SLC8A1: variants seen among roughly 807,000 people sequenced by gnomAD.
SLC8A1 encodes the protein solute carrier family 8 member A1.
Under a neutral mutation model 68.3 loss-of-function variants are expected in SLC8A1, and 18 were observed. The observed-to-expected ratio is 0.26, with a 90% CI of 0.18 to 0.39. SLC8A1 has a LOEUF of 0.39. Ranked by LOEUF, SLC8A1 falls within the 10% of genes least tolerant of loss-of-function variation. The pLI is 1.00. For synonymous variants in SLC8A1, 475 were observed against 415.5 expected (o/e 1.14, Z -1.74); for missense variants, 985 against 1,156.7 (o/e 0.85, Z 2.15).
intron 5 of SLC8A1, among the ~76,000 whole-genome samples, chr2:40,161,289 A>G (rs1488336952): frequency 6.6e-6 from 1 of 152,174 alleles, no homozygotes; most frequent in Non-Finnish European, 1.5e-5. Context: ...GAACCAAAAA[A>G]TATTGCTATT....
Position 40,245,683 on chromosome 2 carries a change from C to CT in SLC8A1, c.1809-67829dup, listed in dbSNP as rs60082736. Reference sequence around the variant, plus strand: ...GTTTTATATTACTTAAAAAGTCAAACTTTTTTTTTTTTAATCATTCCTTCT... The same window carrying CT: ...GTTTTATATTACTTAAAAAGTCAAACTTTTTTTTTTTTTAATCATTCCTTCT... On this transcript the variant is annotated intron_variant, in intron 2 of 7. Transcript: ENST00000406785. Among the ~76,000 whole-genome samples the CT allele has an allele frequency of 1.2e-3, 178 of 146,684 alleles. 1 individual carries two copies. The highest frequency in any genetic ancestry group is 3.3e-3 in the African/African-American group (132 of 40,188).
At chr2:40,255,242 C>G (rs1003290336) in intron 2 of SLC8A1, 2 of 152,338 alleles carry the variant, frequency 1.3e-5, no homozygotes, top group East Asian at 3.9e-4. Flanking sequence ...CCCCCACCCC[C>G]CATGGTGGAA....
At chr2:40,138,031 A>T (rs957619203) in intron 7 of SLC8A1, among the ~76,000 whole-genome samples, 14 of 152,212 alleles carry the variant, frequency 9.2e-5, no homozygotes, top group African/African-American at 3.4e-4. Context: ...CACCAGAAAT[A>T]CAATTTTATT....
rs115533603 is a variant in SLC8A1, at chr2:40,222,581, C to A, written c.1809-44726G>T. Among the ~76,000 whole-genome samples, 786 of 152,200 alleles carry A rather than the reference C, an allele frequency of 5.2e-3. 5 individuals carry two copies. The highest frequency in any genetic ancestry group is 8.6e-3 in the Non-Finnish European group (586 of 67,996). Reference sequence around the variant, plus strand: ...CAGCAAAAGAAACTATCAGAGTGAACAGGCAACCTAGAGAATGGGAAAAAT... The same window carrying A: ...CAGCAAAAGAAACTATCAGAGTGAAAAGGCAACCTAGAGAATGGGAAAAAT... On this transcript the variant is annotated intron_variant, in intron 2 of 7. Transcript: ENST00000406785.
chr2:40,244,050 T>TAA (rs5830615), intron 2 of SLC8A1, among the ~76,000 whole-genome samples: 66 of 151,636 alleles, frequency 4.4e-4, no homozygotes, highest in Admixed American at 1.2e-3. Flanking sequence ...CTTTTGTTAT[T>TAA]AAAAAAAATG....
intron 6 of SLC8A1, among the ~76,000 whole-genome samples, chr2:40,148,062 G>C (rs1340706191): frequency 1.3e-5 from 2 of 152,148 alleles, no homozygotes; most frequent in East Asian, 3.8e-4. Context: ...GGTTTGTACA[G>C]CAAAAATTCA....
At chr2:40,141,533 A>G (rs2041569150) in intron 6 of SLC8A1, among the ~76,000 whole-genome samples, 1 of 152,230 alleles carries the variant, frequency 6.6e-6, no homozygotes, top group Non-Finnish European at 1.5e-5. Flanking sequence ...AGAACTCCCC[A>G]GTGAGGAGCT....
At chr2:40,429,033 A>G in exon 2 of SLC8A1, 2 of 1,613,088 alleles carry the variant, frequency 1.2e-6, no homozygotes, top group Non-Finnish European at 1.7e-6. Context: ...CCAGACACTG[A>G]TATGTCCCTT....
In SLC8A1 at chr2:40,394,169, C is replaced by T. The variant is rs375033422; in HGVS notation, c.1808+34304G>A. ...GTCAACGGAGCTTAAAAAAAGGTTACTAGTCTAAGTGAGCTTAAGTTGAGA... is the reference window on the plus strand; with the variant it reads ...GTCAACGGAGCTTAAAAAAAGGTTATTAGTCTAAGTGAGCTTAAGTTGAGA... On this transcript the variant is annotated intron_variant, in intron 2 of 7. Coordinates refer to ENST00000406785, the Ensembl canonical transcript of SLC8A1. Among the ~76,000 whole-genome samples the T allele has an allele frequency of 1.1e-4, 16 of 152,184 alleles. No individual in the cohort carries two copies. In the East Asian group the frequency reaches 2.9e-3, roughly 28 times the overall value.
intron 2 of SLC8A1, among the ~76,000 whole-genome samples, chr2:40,216,427 C>T (rs879020854): frequency 1.3e-5 from 2 of 152,094 alleles, no homozygotes; most frequent in African/African-American, 4.8e-5. Flanking sequence ...GTATTGGCTC[C>T]ATGACTGCTA....
intron 2 of SLC8A1, among the ~76,000 whole-genome samples, chr2:40,393,311 C>G (rs1468707962): frequency 2.0e-5 from 3 of 152,010 alleles, no homozygotes. Context: ...GCTTTGAGGT[C>G]ATTTCTCAAA....
intron 2 of SLC8A1, among the ~76,000 whole-genome samples, chr2:40,398,347 A>C (rs1414681176): frequency 6.6e-6 from 1 of 152,034 alleles, no homozygotes; most frequent in African/African-American, 2.4e-5. Context: ...TCATATCTAG[A>C]TCCACTCCTC....
chr2:40,453,115 C>A (rs1454845152), upstream of SLC8A1: 1 of 152,200 alleles, frequency 6.6e-6, no homozygotes, highest in Admixed American at 6.5e-5. Context: ...GCTAGACCTA[C>A]TGTGGAGTTC....
At chr2:40,323,143 C>T (rs979428762) in intron 2 of SLC8A1, among the ~76,000 whole-genome samples, 7 of 152,162 alleles carry the variant, frequency 4.6e-5, no homozygotes, top group Non-Finnish European at 1.0e-4. Flanking sequence ...AACTATAATG[C>T]TTTTGTTCTC....
In SLC8A1 at chr2:40,396,748, T is replaced by TAAAAAAAAAAAAAAAAAAAAAAAAAAA. The variant is rs368483768; in HGVS notation, c.1808+31698_1808+31724dup. ...TTTAACCTCCATCATCTCTAATAAC[T>TAAAAAAAAAAAAAAAAAAAAAAAAAAA]AAAAAAAAAAAAAAAAAAAAAAAAA... On this transcript the variant is annotated intron_variant, in intron 2 of 7. Transcript: ENST00000406785. 2.2e-4 allele frequency among the ~76,000 whole-genome samples: 19 copies of TAAAAAAAAAAAAAAAAAAAAAAAAAAA among 87,088 alleles called. 2 individuals are homozygous for TAAAAAAAAAAAAAAAAAAAAAAAAAAA. The highest frequency in any genetic ancestry group is 1.2e-3 in the East Asian group (2 of 1,620). The allele number at this position is 87,088 out of a possible 152,430, so 57.1% of individuals were successfully genotyped here. A position where few individuals can be genotyped will look rare whatever the true frequency, so the allele number is the denominator to read the frequency against.
At position 40,165,114 on chromosome 2, in the gene SLC8A1, C is replaced by T. The variant is rs537289585; in HGVS notation, c.1931-130G>A. ...TACTAAAGCCCCCTGGGTGAGATCA[C>T]GATGCTGGAGGGAAGAGCCAGACAG... On this transcript the variant is annotated intron_variant, in intron 4 of 7. Coordinates refer to ENST00000406785, the Ensembl canonical transcript of SLC8A1. 1.1e-4 allele frequency: 119 copies of T among 1,125,132 alleles called. 1 individual carries two copies. The African/African-American group carries it at 1.3e-3, about 12-fold the overall frequency. 69.7% of individuals were successfully genotyped at this position (1,125,132 alleles called of 1,614,324 possible).
At chr2:40,498,354 T>A (rs541046036) in intron 1 of SLC8A1, among the ~76,000 whole-genome samples, 2 of 152,224 alleles carry the variant, frequency 1.3e-5, no homozygotes, top group South Asian at 4.1e-4. Flanking sequence ...TATATGCCAA[T>A]GTATTAAAGC....
At chr2:40,128,220 T>G (rs1157468275) in intron 7 of SLC8A1, among the ~76,000 whole-genome samples, 3 of 152,238 alleles carry the variant, frequency 2.0e-5, no homozygotes, top group African/African-American at 7.2e-5. Context: ...GAGTTAGCAT[T>G]TTATTTGTTC....
chr2:40,472,707 C>T (rs1037470717), intron 1 of SLC8A1, among the ~76,000 whole-genome samples: 1 of 152,118 alleles, frequency 6.6e-6, no homozygotes, highest in Middle Eastern at 3.2e-3. Flanking sequence ...CATACCCATT[C>T]TAGGTGCTGC....
Sources: allele counts gnomAD v4.1 joint callset (sites outside exome capture counted in the v4.1 genomes callset), GRCh38; gene constraint gnomAD v4.1.1; transcripts MANE v1.5; gene names NCBI Gene and HGNC (gene_info 2026-07-23, HGNC 2026-07-21).